GLI2: variants seen among roughly 807,000 people sequenced by gnomAD.
GLI2 encodes the protein GLI family zinc finger 2, also known as transcription activator GLI2.
GLI2 carries 22 observed loss-of-function variants against 78.9 expected under a neutral mutation model. The observed-to-expected ratio is 0.28, with a 90% CI of 0.20 to 0.40. The LOEUF (loss-of-function observed/expected upper bound fraction) is 0.40, where lower values mean the gene tolerates loss of function less well. Ranked by LOEUF, GLI2 falls within the 10% of genes least tolerant of loss-of-function variation. GLI2 has a pLI of 1.00. For missense variants in GLI2, 2,097 were observed against 2,213.2 expected, an observed-to-expected ratio of 0.95 and a Z score of 1.05; for synonymous variants, 974 against 963.7, an observed-to-expected ratio of 1.01 and a Z score of -0.20.
intron 3 of GLI2, among the ~76,000 whole-genome samples, chr2:120,945,957 T>TCACTCACACACACACACACACACA: frequency 7.4e-6 from 1 of 134,258 alleles, no homozygotes; most frequent in South Asian, 2.7e-4. Flanking sequence ...CATAACCTTC[T>TCACTCACACACACACACACACACA]CACACACACA....
chr2:120,913,814 T>C (rs1221720529), intron 2 of GLI2, among the ~76,000 whole-genome samples: 1 of 152,214 alleles, frequency 6.6e-6, no homozygotes, highest in Admixed American at 6.5e-5. Flanking sequence ...AGGCCCTGCC[T>C]CAGAATGCAG....
intron 1 of GLI2, among the ~76,000 whole-genome samples, chr2:120,774,475 C>T (rs963025900): frequency 6.6e-6 from 1 of 152,220 alleles, no homozygotes; most frequent in Admixed American, 6.5e-5. Context: ...TTAGCAGTCG[C>T]TCCCCATCCC....
rs559724614 is a variant in GLI2, at chr2:120,934,138, G to T, written c.254+6672G>T. The stretch of plus-strand genomic sequence containing the variant: ...GGGACCACTGCAGGCGCCGCTGCTT[G>T]CTTGACGTCCGGGAAAGCAGCCCCA... On this transcript the variant is annotated intron_variant, in intron 3 of 13. Transcript: ENST00000361492. 1.7e-4 allele frequency among the ~76,000 whole-genome samples: 26 copies of T among 152,312 alleles called. 2 individuals are homozygous for T. In the South Asian group the frequency reaches 4.8e-3, roughly 28 times the overall value.
intron 1 of GLI2, among the ~76,000 whole-genome samples, chr2:120,786,533 C>T (rs527982607): frequency 1.3e-5 from 2 of 150,030 alleles, no homozygotes; most frequent in South Asian, 2.1e-4. Context: ...GCTCAAAAAG[C>T]GCTTTTAAGA....
At chr2:120,940,068 C>T (rs1165056693) in intron 3 of GLI2, among the ~76,000 whole-genome samples, 1 of 152,186 alleles carries the variant, frequency 6.6e-6, no homozygotes, top group Non-Finnish European at 1.5e-5. Context: ...ACTAATGTTT[C>T]CTTCTTGGGA....
At chr2:120,842,149 G>A (rs1180228074) in intron 2 of GLI2, among the ~76,000 whole-genome samples, 1 of 150,858 alleles carries the variant, frequency 6.6e-6, no homozygotes, top group Non-Finnish European at 1.5e-5. Context: ...GTTATATGGT[G>A]AAAAATCTCC....
At position 120,898,310 on chromosome 2, in the gene GLI2, T is replaced by A. The variant is rs1289089084; in HGVS notation, c.149-29051T>A. Reference sequence around the variant, plus strand: ...CTGTGTTTATAGAGAAAAATAAATATCTCTGTAAACATGTGTTGTATTTAC... The same window carrying A: ...CTGTGTTTATAGAGAAAAATAAATAACTCTGTAAACATGTGTTGTATTTAC... On this transcript the variant is annotated intron_variant, in intron 2 of 13. Transcript: ENST00000361492. Among the ~76,000 whole-genome samples, 4 of 152,322 alleles carry A rather than the reference T, an allele frequency of 2.6e-5. No individual in the cohort carries two copies. The East Asian group carries it at 7.7e-4, about 29-fold the overall frequency.
intron 2 of GLI2, among the ~76,000 whole-genome samples, chr2:120,808,939 G>A (rs750512338): frequency 1.2e-4 from 19 of 152,146 alleles, no homozygotes; most frequent in Non-Finnish European, 2.8e-4. Flanking sequence ...TCTCAGCAGC[G>A]CCCACATGCC....
rs2677506 is a variant in GLI2 at position 120,972,274 on chromosome 2, A to G, written c.1182+211A>G. On this transcript the variant is annotated intron_variant, in intron 8 of 13. Transcript: ENST00000361492. ...TGGACATACTACATTCCCATCACAC[A>G]TGGTGAATGAATGAATGAGTGAATG... Among the ~76,000 whole-genome samples, 135,453 of 152,294 alleles carry G rather than the reference A, an allele frequency of 0.89. 61,864 individuals are homozygous for G. The highest frequency in any genetic ancestry group is 1 in the East Asian group (5,176 of 5,178).
intron 2 of GLI2, among the ~76,000 whole-genome samples, chr2:120,812,917 CTG>C (rs1167601086): frequency 6.6e-6 from 1 of 152,188 alleles, no homozygotes; most frequent in Non-Finnish European, 1.5e-5. Context: ...TCTCTTCTTT[CTG>C]TGTGTCCCCA....
intron 2 of GLI2, among the ~76,000 whole-genome samples, chr2:120,894,063 C>T (rs970542815): frequency 9.2e-5 from 14 of 152,154 alleles, no homozygotes; most frequent in Admixed American, 2.6e-4. Context: ...GGCTGAGGCC[C>T]GAGAGGCCTA....
chr2:120,914,580 C>T (rs1035481213), intron 2 of GLI2, among the ~76,000 whole-genome samples: 1 of 152,218 alleles, frequency 6.6e-6, no homozygotes, highest in African/African-American at 2.4e-5. Context: ...CATGTCTACC[C>T]AGACAGACAG....
At chr2:120,840,116 C>T (rs1284181641) in intron 2 of GLI2, among the ~76,000 whole-genome samples, 2 of 152,288 alleles carry the variant, frequency 1.3e-5, no homozygotes, top group Admixed American at 1.3e-4. Flanking sequence ...GCTTCAGTTA[C>T]ATCCCGCACA....
intron 3 of GLI2, among the ~76,000 whole-genome samples, chr2:120,935,808 A>G (rs1302053338): frequency 2.6e-5 from 4 of 152,216 alleles, no homozygotes; most frequent in African/African-American, 4.8e-5. Context: ...CAGCTCATTT[A>G]TAATGGAATC....
intron 1 of GLI2, among the ~76,000 whole-genome samples, chr2:120,766,203 C>T (rs77110910): frequency 0.014 from 2,095 of 152,320 alleles, 38 homozygotes; most frequent in South Asian, 0.023. Context: ...TCGCAGCCTT[C>T]GGTCCAGCTG....
chr2:120,783,803 CT>C (rs1472861235), intron 1 of GLI2, among the ~76,000 whole-genome samples: 4 of 152,200 alleles, frequency 2.6e-5, no homozygotes, highest in Non-Finnish European at 4.4e-5. Flanking sequence ...ATGAAAACCA[CT>C]TAAAGTCTGA....
chr2:120,978,020 G>A (rs1682539448), intron 9 of GLI2, among the ~76,000 whole-genome samples: 1 of 152,258 alleles, frequency 6.6e-6, no homozygotes, highest in Non-Finnish European at 1.5e-5. Context: ...CCTCGCTGCG[G>A]TTAGTGCCTA....
At chr2:120,968,515 G>A (rs778226789) in intron 5 of GLI2, among the ~76,000 whole-genome samples, 199 bp from the exon 6 acceptor site, 61 of 152,258 alleles carry the variant, frequency 4.0e-4, no homozygotes, top group Middle Eastern at 3.4e-3. Flanking sequence ...CACACCCTGC[G>A]CTGCTCAGTC....
rs1333873175 is a variant in GLI2 at position 120,927,039 on chromosome 2, C to T, written c.149-322C>T. On this transcript the variant is annotated intron_variant, in intron 2 of 13. Transcript: ENST00000361492. Reference sequence around the variant, plus strand: ...AGAAGCCGGCGGAGTTGGAGCCTGTCGCTCTGTCAGCCCTGATTTGCGGGC... The same window carrying T: ...AGAAGCCGGCGGAGTTGGAGCCTGTTGCTCTGTCAGCCCTGATTTGCGGGC... Among the ~76,000 whole-genome samples the T allele has an allele frequency of 3.3e-5, 5 of 152,218 alleles. No homozygotes were observed. In the East Asian group the frequency reaches 7.7e-4, roughly 24 times the overall value.
Sources: gnomAD v4.1 joint callset for allele counts (sites outside exome capture counted in the v4.1 genomes callset) on GRCh38, gnomAD v4.1.1 for gene constraint, MANE v1.5 for transcripts, NCBI Gene and HGNC (gene_info 2026-07-23, HGNC 2026-07-21) for gene names.